The following FHIT variants were observed in gnomAD, a reference collection of about 807,000 sequenced individuals.
FHIT encodes fragile histidine triad diadenosine triphosphatase, also known as bis(5'-adenosyl)-triphosphatase.
A neutral mutation model predicts 17.9 loss-of-function variants in FHIT; 19 were observed. The observed-to-expected ratio is 1.06, with a 90% CI of 0.74 to 1.56. The LOEUF is 1.56. Among genes scored for constraint, FHIT ranks in the 40% most tolerant of loss-of-function variants. The pLI is 0.00. For missense variants in FHIT, 248 were observed against 189.2 expected (o/e 1.31, Z -1.82); for synonymous variants, 81 against 69.7 (o/e 1.16, Z -0.81).
At chr3:60,820,583 C>T (rs1285329489) in intron 4 of FHIT, among the ~76,000 whole-genome samples, 1 of 152,170 alleles carries the variant, frequency 6.6e-6, no homozygotes, top group African/African-American at 2.4e-5. Flanking sequence ...ACTCTAGGGG[C>T]AATCCTGCCC....
intron 5 of FHIT, among the ~76,000 whole-genome samples, chr3:60,216,148 G>C (rs1273302052): frequency 6.6e-6 from 1 of 152,196 alleles, no homozygotes; most frequent in Non-Finnish European, 1.5e-5. Flanking sequence ...CCATGAAAGA[G>C]AAGCAGTGCT....
At chr3:60,267,549 T>C (rs1012598839) in intron 5 of FHIT, among the ~76,000 whole-genome samples, 6 of 152,118 alleles carry the variant, frequency 3.9e-5, no homozygotes, top group African/African-American at 1.4e-4. Flanking sequence ...AGATGCAGCA[T>C]GTTTATCCTA....
At chr3:60,770,352 T>C (rs782741182) in intron 4 of FHIT, among the ~76,000 whole-genome samples, 7 of 152,138 alleles carry the variant, frequency 4.6e-5, no homozygotes, top group Admixed American at 3.3e-4. Flanking sequence ...GGCTGCCCAA[T>C]ATCCTCTGGA....
At chr3:60,130,780 G>GTATACACATATATA (rs1452178117) in intron 5 of FHIT, among the ~76,000 whole-genome samples, 3 of 2,402 alleles carry the variant, frequency 1.2e-3, no homozygotes, top group South Asian at 0.11. Flanking sequence ...GTGTGTGTGT[G>GTATACACATATATA]TGTGGTGTGT....
At position 60,747,515 on chromosome 3, in the gene FHIT, C is replaced by A. The variant is rs1365837108; in HGVS notation, c.-18+74404G>T. 7.9e-5 allele frequency among the ~76,000 whole-genome samples: 12 copies of A among 152,252 alleles called. No homozygotes were observed. The South Asian group carries it at 2.1e-3, about 26-fold the overall frequency. ...AAATAAAAAAATACAATACTTGATA[C>A]CCAACTCCAAGGCACTTTCAGTGTA... is the stretch of plus-strand genomic sequence containing the variant. On this transcript the variant is annotated intron_variant, in intron 4 of 9. Transcript: ENST00000492590.
intron 5 of FHIT, among the ~76,000 whole-genome samples, chr3:60,481,536 G>C (rs1231697345): frequency 6.6e-6 from 1 of 152,108 alleles, no homozygotes; most frequent in Non-Finnish European, 1.5e-5. Flanking sequence ...TTCTTAAAGA[G>C]AAGAATTTTC....
chr3:59,986,018 A>C (rs1477900585), intron 7 of FHIT, among the ~76,000 whole-genome samples: 1 of 152,082 alleles, frequency 6.6e-6, no homozygotes. Context: ...GGAAGAAAAA[A>C]AACTCTGAAC....
At chr3:61,213,287 C>A (rs2039551091) in intron 1 of FHIT, among the ~76,000 whole-genome samples, 2 of 151,880 alleles carry the variant, frequency 1.3e-5, no homozygotes, top group African/African-American at 2.4e-5. Flanking sequence ...CAAACATAGG[C>A]TCAAAATAAA....
intron 4 of FHIT, among the ~76,000 whole-genome samples, chr3:60,567,987 G>A (rs937004955): frequency 6.6e-6 from 1 of 152,180 alleles, no homozygotes; most frequent in Admixed American, 6.6e-5. Flanking sequence ...TGGAGAAATA[G>A]GAACACTTTA....
rs147571598 is a variant in FHIT at position 61,003,037 on chromosome 3, C to T, written c.-111+39010G>A. On this transcript the variant is annotated intron_variant, in intron 3 of 9. Transcript: ENST00000492590. ...TGCTGAAAGGGTTTTTGTTGTAGTT[C>T]GTGCCTATCAAACACAGACTATTCT... Among the ~76,000 whole-genome samples the T allele has an allele frequency of 2.1e-3, 319 of 152,232 alleles. 2 individuals are homozygous for T. The highest frequency in any genetic ancestry group is 7.3e-3 in the African/African-American group (302 of 41,550).
At chr3:60,459,998 C>T (rs1266170162) in intron 5 of FHIT, among the ~76,000 whole-genome samples, 2 of 151,988 alleles carry the variant, frequency 1.3e-5, no homozygotes, top group African/African-American at 4.8e-5. Context: ...AATCAGCAAC[C>T]CAAAAGTCCT....
intron 3 of FHIT, among the ~76,000 whole-genome samples, chr3:60,978,364 C>A (rs1710352158): frequency 6.6e-6 from 1 of 152,172 alleles, no homozygotes; most frequent in Non-Finnish European, 1.5e-5. Context: ...TGGGGTGGAG[C>A]CTCAGATTCT....
chr3:60,423,146 G>C (rs1403765536), intron 5 of FHIT, among the ~76,000 whole-genome samples: 1 of 152,110 alleles, frequency 6.6e-6, no homozygotes, highest in African/African-American at 2.4e-5. Flanking sequence ...CCAGCCTCAA[G>C]TGAATTAAGC....
chr3:60,314,332 A>G (rs1421469555), intron 5 of FHIT, among the ~76,000 whole-genome samples: 2 of 152,198 alleles, frequency 1.3e-5, no homozygotes, highest in Non-Finnish European at 2.9e-5. Flanking sequence ...TTTCAGTAGT[A>G]TCAGAAGCCT....
At chr3:60,613,521 A>G (rs2038849347) in intron 4 of FHIT, among the ~76,000 whole-genome samples, 1 of 152,156 alleles carries the variant, frequency 6.6e-6, no homozygotes, top group Non-Finnish European at 1.5e-5. Flanking sequence ...TACCTTTTGC[A>G]TGGAGCCTGG....
Position 60,719,008 on chromosome 3 carries a change from A to G in FHIT, c.-18+102911T>C, listed in dbSNP as rs574621324. ...AAACAATTAAGGCAAATGCTCAGGC[A>G]TATACCTGAACTGTGGTAGAACAAT... On this transcript the variant is annotated intron_variant, in intron 4 of 9. Transcript: ENST00000492590. 5.3e-5 allele frequency among the ~76,000 whole-genome samples: 8 copies of G among 152,154 alleles called. No individual in the cohort carries two copies. The South Asian group carries it at 1.7e-3, about 32-fold the overall frequency.
chr3:60,370,175 T>C (rs1327772046), intron 5 of FHIT, among the ~76,000 whole-genome samples: 3 of 150,268 alleles, frequency 2.0e-5, no homozygotes, highest in African/African-American at 7.4e-5. Flanking sequence ...GTTAAGTTTA[T>C]AGATATACAC....
intron 5 of FHIT, among the ~76,000 whole-genome samples, chr3:60,454,067 AC>A (rs1189989311): frequency 1.4e-4 from 22 of 152,198 alleles, no homozygotes; most frequent in African/African-American, 5.3e-4. Context: ...TCAAACCAGA[AC>A]CCTAGCCATG....
At position 61,140,036 on chromosome 3, in the gene FHIT, A is replaced by T. The variant is rs560348574; in HGVS notation, c.-164+60581T>A. Among the ~76,000 whole-genome samples the T allele has an allele frequency of 2.2e-3, 336 of 151,848 alleles. 2 individuals carry two copies. Among genetic ancestry groups the T allele is most frequent in the South Asian group, 8.1e-3 (39 of 4,800 alleles). On this transcript the variant is annotated intron_variant, in intron 2 of 9. Transcript: ENST00000492590. ...GCAAGAGAAAGCAAAAAAAAAAAAAAAATAAGAAACAATGAGAGGCATTAA... is the reference window on the plus strand; with the variant it reads ...GCAAGAGAAAGCAAAAAAAAAAAAATAATAAGAAACAATGAGAGGCATTAA...
Sources: allele counts gnomAD v4.1 joint callset (sites outside exome capture counted in the v4.1 genomes callset), GRCh38; gene constraint gnomAD v4.1.1; transcripts MANE v1.5; gene names NCBI Gene and HGNC (gene_info 2026-07-23, HGNC 2026-07-21).